CNTN4: variants seen among roughly 807,000 people sequenced by gnomAD.
CNTN4 encodes the protein contactin 4.
In CNTN4, 77 loss-of-function variants were observed where a neutral mutation model predicts 122.5. The ratio of observed to expected loss-of-function variants is 0.63; its 90% CI spans 0.52 to 0.76. The LOEUF (loss-of-function observed/expected upper bound fraction) is 0.76, where lower values mean the gene tolerates loss of function less well. Among genes scored for constraint, CNTN4 ranks in the 30% least tolerant of loss-of-function variants. The probability of loss-of-function intolerance (pLI) is 0.00; values close to 1 mark genes in which losing one functional copy is unlikely to be tolerated. For missense variants in CNTN4, 1,256 were observed against 1,259.1 expected (o/e 1.00, Z 0.04); for synonymous variants, 512 against 447.0 (o/e 1.15, Z -1.83).
intron 13 of CNTN4, among the ~76,000 whole-genome samples, chr3:2,976,398 T>G (rs1224364917): frequency 6.6e-6 from 1 of 152,210 alleles, no homozygotes; most frequent in Non-Finnish European, 1.5e-5. Context: ...TCAGGTGGCC[T>G]GAAATGCACA....
chr3:2,628,665 G>T (rs1559323473), intron 4 of CNTN4, among the ~76,000 whole-genome samples: 1 of 152,156 alleles, frequency 6.6e-6, no homozygotes, highest in Non-Finnish European at 1.5e-5. Context: ...AATTTAGAAA[G>T]AAATCAGATC....
chr3:2,776,425 A>G (rs974480177), intron 6 of CNTN4, among the ~76,000 whole-genome samples: 1 of 152,194 alleles, frequency 6.6e-6, no homozygotes, highest in South Asian at 2.1e-4. Flanking sequence ...TCTCAGGGCC[A>G]TCTCCTCTGA....
chr3:2,600,005 C>CT (rs1220761684), intron 4 of CNTN4, among the ~76,000 whole-genome samples: 1,265 of 27,952 alleles, frequency 0.045, 18 homozygotes, highest in Non-Finnish European at 0.081. Context: ...TTATGGAATT[C>CT]TTCTTTTTTT....
chr3:2,768,339 T>G (rs76269027), intron 6 of CNTN4, among the ~76,000 whole-genome samples: 2 of 152,208 alleles, frequency 1.3e-5, no homozygotes, highest in African/African-American at 4.8e-5. Context: ...AATTAATATT[T>G]CAACAAAAAT....
intron 13 of CNTN4, among the ~76,000 whole-genome samples, chr3:2,975,143 T>C (rs1453245818): frequency 6.6e-6 from 1 of 152,114 alleles, no homozygotes; most frequent in Non-Finnish European, 1.5e-5. Context: ...GGACACATAT[T>C]TCTCAATATT....
chr3:2,497,836 T>C (rs188151396), intron 3 of CNTN4, among the ~76,000 whole-genome samples: 1 of 152,332 alleles, frequency 6.6e-6, no homozygotes, highest in Admixed American at 6.5e-5. Flanking sequence ...CCACGGGATA[T>C]AAACCTCATA....
chr3:2,268,369 G>A (rs1347044718), intron 2 of CNTN4, among the ~76,000 whole-genome samples: 1 of 152,016 alleles, frequency 6.6e-6, no homozygotes, highest in East Asian at 1.9e-4. Flanking sequence ...TTACATGCGT[G>A]TGACTTCTCA....
At chr3:2,197,770 C>A (rs1376709573) in intron 2 of CNTN4, among the ~76,000 whole-genome samples, 1 of 152,078 alleles carries the variant, frequency 6.6e-6, no homozygotes, top group African/African-American at 2.4e-5. Context: ...AATAACAGCA[C>A]TTTAGGAGGC....
chr3:2,551,716 A>T (rs2149365145), intron 3 of CNTN4, among the ~76,000 whole-genome samples: 1 of 152,304 alleles, frequency 6.6e-6, no homozygotes, highest in Non-Finnish European at 1.5e-5. Context: ...ATGGTGATGT[A>T]CAGAAACATG....
chr3:2,880,812 C>G (rs139584962), intron 8 of CNTN4, among the ~76,000 whole-genome samples: 1 of 152,150 alleles, frequency 6.6e-6, no homozygotes, highest in East Asian at 1.9e-4. Context: ...AAAGATAAAC[C>G]GTTTAACTCT....
intron 2 of CNTN4, among the ~76,000 whole-genome samples, chr3:2,337,204 T>C (rs538294570): frequency 6.6e-6 from 1 of 152,270 alleles, no homozygotes; most frequent in African/African-American, 2.4e-5. Flanking sequence ...AATGCATTCA[T>C]GATATGTTAG....
chr3:2,715,262 A>G (rs2087422657), intron 4 of CNTN4, among the ~76,000 whole-genome samples: 1 of 152,220 alleles, frequency 6.6e-6, no homozygotes, highest in Admixed American at 6.5e-5. Flanking sequence ...AATTGTGAAA[A>G]TACATATGTA....
intron 9 of CNTN4, among the ~76,000 whole-genome samples, chr3:2,883,735 C>T (rs146088398): frequency 1.3e-3 from 196 of 152,274 alleles, no homozygotes; most frequent in African/African-American, 4.6e-3. Flanking sequence ...ATAGGTAAGA[C>T]GTGTTGTTCT....
chr3:2,490,794 C>T (rs2076293588), intron 3 of CNTN4, among the ~76,000 whole-genome samples: 2 of 152,166 alleles, frequency 1.3e-5, no homozygotes. Flanking sequence ...CCTTTATTTT[C>T]TCATTCCCGT....
intron 2 of CNTN4, among the ~76,000 whole-genome samples, chr3:2,185,881 A>G (rs2037229115): frequency 6.6e-6 from 1 of 152,066 alleles, no homozygotes; most frequent in South Asian, 2.1e-4. Flanking sequence ...TAATTATAAC[A>G]TATCCTTGGA....
chr3:2,487,347 T>C (rs961351924), intron 3 of CNTN4, among the ~76,000 whole-genome samples: 2 of 152,194 alleles, frequency 1.3e-5, no homozygotes, highest in Admixed American at 6.5e-5. Flanking sequence ...TTAAACTTAA[T>C]TTAAGAAAGT....
intron 2 of CNTN4, among the ~76,000 whole-genome samples, chr3:2,260,121 G>A (rs540249472): frequency 6.6e-6 from 1 of 152,254 alleles, no homozygotes; most frequent in South Asian, 2.1e-4. Flanking sequence ...TCTTGCCCAA[G>A]AATGGGGATA....
chr3:2,106,681 G>A lies in CNTN4; in HGVS notation c.-145+6042G>A, dbSNP rs550362787. On this transcript the variant is annotated intron_variant, in intron 2 of 24. Transcript: ENST00000418658. ...TGGGCCTGTGATGGGAGGGGCTGCC[G>A]CCAAGATCTCTGTCATGCCCTGAAG... Among the ~76,000 whole-genome samples the A allele has an allele frequency of 1.5e-3, 235 of 152,278 alleles. 1 individual carries two copies. Among genetic ancestry groups the A allele is most frequent in the Middle Eastern group, 0.01 (3 of 294 alleles).
intron 2 of CNTN4, among the ~76,000 whole-genome samples, chr3:2,201,172 C>T (rs1428565360): frequency 3.9e-5 from 6 of 152,086 alleles, no homozygotes; most frequent in Non-Finnish European, 7.4e-5. Context: ...TTAGTAACCT[C>T]CCACAGGACA....
Sources: gnomAD v4.1 joint callset for allele counts (sites outside exome capture counted in the v4.1 genomes callset) on GRCh38, gnomAD v4.1.1 for gene constraint, MANE v1.5 for transcripts, NCBI Gene and HGNC (gene_info 2026-07-23, HGNC 2026-07-21) for gene names.